The following APOD variants were observed in gnomAD, a reference collection of about 807,000 sequenced individuals.
The protein encoded by APOD is apo-D.
In APOD, 22 loss-of-function variants were observed where a neutral mutation model predicts 20.4. The ratio of observed to expected loss-of-function variants is 1.08; its 90% CI spans 0.77 to 1.54. APOD has a LOEUF of 1.54. Ranked by LOEUF, APOD falls within the 40% of genes most tolerant of loss-of-function variation. The probability of loss-of-function intolerance (pLI) is 0.00; values close to 1 mark genes in which losing one functional copy is unlikely to be tolerated. For missense variants in APOD, 223 were observed against 229.6 expected (o/e 0.97, Z 0.19); for synonymous variants, 97 against 92.4 (o/e 1.05, Z -0.29).
intron 2 of APOD, among the ~76,000 whole-genome samples, chr3:195,577,859 C>A (rs1048630579): frequency 6.6e-6 from 1 of 152,070 alleles, no homozygotes; most frequent in Non-Finnish European, 1.5e-5. Context: ...TAGGCAAATT[C>A]GGAGACAGAA....
intron 1 of APOD, among the ~76,000 whole-genome samples, chr3:195,581,555 A>G (rs1441533578): frequency 1.3e-5 from 2 of 152,166 alleles, no homozygotes; most frequent in Non-Finnish European, 2.9e-5. Context: ...TCCAAGGTGT[A>G]CAGATGGGGA....
At chr3:195,579,573 C>CCCACAGAGGGGA in intron 1 of APOD, 78 bp from the exon 2 acceptor site, 1 of 1,470,684 alleles carries the variant, frequency 6.8e-7, no homozygotes, top group Non-Finnish European at 9.2e-7. Flanking sequence ...GAGTGCTGTG[C>CCCACAGAGGGGA]CCATGGTCCC....
chr3:195,575,302 C>T (rs1488043663), intron 2 of APOD, among the ~76,000 whole-genome samples: 1 of 152,176 alleles, frequency 6.6e-6, no homozygotes, highest in Non-Finnish European at 1.5e-5. Flanking sequence ...AGATTGAGTT[C>T]CCCTGGATAA....
chr3:195,571,946 A>AT (rs573717003), intron 3 of APOD, among the ~76,000 whole-genome samples: 164 of 152,002 alleles, frequency 1.1e-3, no homozygotes, highest in Non-Finnish European at 1.9e-3. Flanking sequence ...CGCCTGGCTA[A>AT]TTTTTTGTAT....
At chr3:195,582,448 A>G (rs569465936) in intron 1 of APOD, among the ~76,000 whole-genome samples, 4 of 152,310 alleles carry the variant, frequency 2.6e-5, no homozygotes, top group African/African-American at 9.6e-5. Context: ...TATAATTTAA[A>G]TATTATTTTT....
intron 3 of APOD, 80 bp from the exon 4 acceptor site, chr3:195,571,445 C>T (rs566197462): frequency 5.8e-4 from 785 of 1,344,644 alleles, no homozygotes; most frequent in Admixed American, 8.9e-4. Flanking sequence ...CAATAAGCAA[C>T]GAAAGGCAAG....
intron 3 of APOD, among the ~76,000 whole-genome samples, chr3:195,573,343 T>C (rs1325984355): frequency 6.6e-6 from 1 of 152,210 alleles, no homozygotes. Flanking sequence ...GTAATAGAAA[T>C]GTACACTTCT....
intron 1 of APOD, among the ~76,000 whole-genome samples, chr3:195,580,368 C>CT (rs201305902): frequency 0.32 from 44,418 of 140,494 alleles, 7,180 homozygotes; most frequent in East Asian, 0.5. Context: ...TTTCTTTCTT[C>CT]TTTTTTTTTT....
intron 2 of APOD, among the ~76,000 whole-genome samples, chr3:195,578,663 C>A (rs565597270): frequency 6.6e-6 from 1 of 152,236 alleles, no homozygotes; most frequent in South Asian, 2.1e-4. Context: ...CCAAGAAAGC[C>A]CCCTGGAGAA....
chr3:195,580,618 T>C (rs1720322452), intron 1 of APOD, among the ~76,000 whole-genome samples: 1 of 152,226 alleles, frequency 6.6e-6, no homozygotes, highest in South Asian at 2.1e-4. Flanking sequence ...TTGGCCATGC[T>C]GGTCTCAAAC....
rs1383415447 is a variant in APOD at position 195,570,978 on chromosome 3, A to C, written c.334+299T>G. 6.2e-5 allele frequency: 26 copies of C among 416,246 alleles called. No individual in the cohort carries two copies. In the South Asian group the frequency reaches 8.0e-4, roughly 13 times the overall value. The allele number at this position is 416,246 out of a possible 1,614,324, so 25.8% of individuals were successfully genotyped here. Reference sequence around the variant, plus strand: ...CTGGGTTGTGTCTTCTGCAGCCCACACCCGGTGTGCACCTACTTGTGTTTC... The same window carrying C: ...CTGGGTTGTGTCTTCTGCAGCCCACCCCCGGTGTGCACCTACTTGTGTTTC... On this transcript the variant is annotated intron_variant, in intron 4 of 4. Transcript: ENST00000343267.
At chr3:195,577,164 G>C in intron 2 of APOD, 1 of 349,214 alleles carries the variant, frequency 2.9e-6, no homozygotes, top group Non-Finnish European at 5.5e-6. Flanking sequence ...TCCACCCTGG[G>C]TGACAAAGTG....
intron 1 of APOD, among the ~76,000 whole-genome samples, chr3:195,581,572 G>T (rs1157946562): frequency 1.3e-5 from 2 of 152,094 alleles, no homozygotes; most frequent in African/African-American, 4.8e-5. Context: ...GGGAAGCTGG[G>T]GCCTGGAAGG....
In APOD at chr3:195,568,818, T is replaced by A; in HGVS notation, c.*82A>T. The A allele has an allele frequency of 1.2e-6, 1 of 864,522 alleles. No homozygotes were observed. The highest frequency in any genetic ancestry group is 1.8e-6 in the Non-Finnish European group (1 of 544,698). The allele number at this position is 864,522 out of a possible 1,614,324, so 53.6% of individuals were successfully genotyped here. ...GTCAACTTCCTTTGTCGTGGTTGAT[T>A]GGTTTGTCTTTATGGGGGGGGGGTA... is the stretch of plus-strand genomic sequence containing the variant. On this transcript the variant is annotated 3_prime_UTR_variant, in exon 5 of 5. Transcript: ENST00000343267.
chr3:195,572,893 A>G (rs555548785), intron 3 of APOD, among the ~76,000 whole-genome samples: 1 of 152,236 alleles, frequency 6.6e-6, no homozygotes, highest in East Asian at 1.9e-4. Flanking sequence ...GGTTAATGCT[A>G]TGGTTAGTGG....
rs543541862 is a variant in APOD, at chr3:195,569,786, GTTTTTTTTTTTTTTTTTTT to G, written c.335-670_335-652del. Among the ~76,000 whole-genome samples the G allele has an allele frequency of 5.5e-3, 299 of 54,058 alleles. 5 individuals carry two copies. Among genetic ancestry groups the G allele is most frequent in the African/African-American group, 0.024 (287 of 11,960 alleles). 35.5% of individuals were successfully genotyped at this position (54,058 alleles called of 152,430 possible). On this transcript the variant is annotated intron_variant, in intron 4 of 4. Transcript: ENST00000343267. ...CTTTATTCAGGCCTTCTTCTTCTTCGTTTTTTTTTTTTTTTTTTTTTTTTTTTTTTGAGATGGAGTTTCA... is the reference window on the plus strand; with the variant it reads ...CTTTATTCAGGCCTTCTTCTTCTTCGTTTTTTTTTTTGAGATGGAGTTTCA...
intron 2 of APOD, 76 bp from the exon 3 acceptor site, chr3:195,574,047 C>CG: frequency 3.8e-6 from 6 of 1,576,536 alleles, no homozygotes; most frequent in Non-Finnish European, 5.2e-6. Context: ...GTCGTGCAGA[C>CG]GCAGAGCCCT....
intron 4 of APOD, chr3:195,571,028 T>C: frequency 3.7e-6 from 2 of 536,784 alleles, no homozygotes; most frequent in Non-Finnish European, 3.4e-6. Flanking sequence ...TAGCTAGTTA[T>C]AGTAAATTGC....
chr3:195,568,972 G>A lies in APOD; in HGVS notation c.498C>T (p.Ile166=). The A allele has an allele frequency of 6.2e-7, 1 of 1,614,122 alleles. No individual in the cohort carries two copies. Among genetic ancestry groups the A allele is most frequent in the Non-Finnish European group, 8.5e-7 (1 of 1,180,020 alleles). The change falls in exon 5 of 5, where the codon ATC becomes ATT. Residue 166 remains isoleucine, a synonymous_variant. Coordinates refer to ENST00000343267, the MANE Select transcript of APOD (RefSeq NM_001647.4). ...TGACATCAATGTTATTAGAAGTCAGGATATTTTTTAGAGAGTCCACTGTTT... is the reference window on the plus strand; with the variant it reads ...TGACATCAATGTTATTAGAAGTCAGAATATTTTTTAGAGAGTCCACTGTTT... ...PPETVDSLKN[I]LTSNNIDVKK... is the part of the protein sequence containing the mutation.
Sources: gnomAD v4.1 joint callset for allele counts (sites outside exome capture counted in the v4.1 genomes callset) on GRCh38, gnomAD v4.1.1 for gene constraint, MANE v1.5 for transcripts, NCBI Gene and HGNC (gene_info 2026-07-23, HGNC 2026-07-21) for gene names.